ULK4: variants seen among roughly 807,000 people sequenced by gnomAD.
ULK4 encodes unc-51 like kinase 4, also known as inactive serine/threonine-protein kinase ULK4.
A neutral mutation model predicts 160.6 loss-of-function variants in ULK4; 133 were observed. That is an observed-to-expected ratio of 0.83 (90% CI 0.72 to 0.96). The LOEUF (loss-of-function observed/expected upper bound fraction) is 0.96. ULK4 is among the 40% of genes least tolerant of loss of function. ULK4 has a pLI of 0.00. For synonymous variants in ULK4, 534 were observed against 539.8 expected (o/e 0.99, Z 0.15); for missense variants, 1,580 against 1,499.5 (o/e 1.05, Z -0.89).
At chr3:41,938,455 T>C (rs958358467) in intron 2 of ULK4, among the ~76,000 whole-genome samples, 3 of 152,002 alleles carry the variant, frequency 2.0e-5, no homozygotes, top group Admixed American at 2.0e-4. Flanking sequence ...CCGAGGTGGG[T>C]TGGATCACTT....
intron 32 of ULK4, among the ~76,000 whole-genome samples, chr3:41,504,516 T>G (rs971310080): frequency 6.6e-6 from 1 of 152,232 alleles, no homozygotes. Flanking sequence ...GAATTTCATT[T>G]TCCATCAATG....
chr3:41,285,520 G>A (rs1249669704), intron 35 of ULK4, among the ~76,000 whole-genome samples: 3 of 152,058 alleles, frequency 2.0e-5, no homozygotes, highest in Non-Finnish European at 2.9e-5. Context: ...TATTCTCACC[G>A]ATACATGGGA....
At chr3:41,689,366 C>G (rs912375998) in intron 27 of ULK4, among the ~76,000 whole-genome samples, 4 of 152,134 alleles carry the variant, frequency 2.6e-5, no homozygotes, top group Non-Finnish European at 1.5e-5. Flanking sequence ...TATTGAGAGT[C>G]TGGAGTAATG....
At position 41,954,701 on chromosome 3, in the gene ULK4, T is replaced by C. The variant is rs778149921; in HGVS notation, c.59A>G (p.Lys20Arg). ...IGRGSKTVVYKGRRKGTINFV... is the reference protein window; with the variant it reads ...IGRGSKTVVYRGRRKGTINFV... ...ATTGATTGTTCCCTTCCGTCGCCCT[T>C]TATAGACAACAGTCTTGCTTCCTCT... Residue 20 changes from lysine (K) to arginine (R), a missense_variant, in exon 2 of 37, where the codon AAA becomes AGA. By Grantham distance (26) the Lys-to-Arg change is conservative (BLOSUM62 2). Transcript: ENST00000301831. 24 of 1,613,878 alleles carry C rather than the reference T, an allele frequency of 1.5e-5. No homozygotes were observed. The highest frequency in any genetic ancestry group is 3.3e-4 in the Middle Eastern group (2 of 6,084).
At chr3:41,806,334 C>G (rs1051320666) in intron 19 of ULK4, among the ~76,000 whole-genome samples, 32 of 151,896 alleles carry the variant, frequency 2.1e-4, no homozygotes, top group African/African-American at 7.0e-4. Flanking sequence ...GGTGATATCC[C>G]CTTTATCACT....
At chr3:41,384,943 T>C (rs2081768074) in intron 35 of ULK4, among the ~76,000 whole-genome samples, 1 of 152,082 alleles carries the variant, frequency 6.6e-6, no homozygotes, top group Admixed American at 6.6e-5. Flanking sequence ...TAGTCCCAGC[T>C]ACTCGGAAGG....
At chr3:41,411,580 G>T (rs1431825534) in intron 34 of ULK4, among the ~76,000 whole-genome samples, 1 of 151,722 alleles carries the variant, frequency 6.6e-6, no homozygotes, top group East Asian at 1.9e-4. Flanking sequence ...GGGATTACAG[G>T]TGCCACCATG....
chr3:41,451,862 G>A lies in ULK4; in HGVS notation c.3492+3635C>T, dbSNP rs192339300. 4.4e-4 allele frequency among the ~76,000 whole-genome samples: 67 copies of A among 152,192 alleles called. 1 individual carries two copies. The highest frequency in any genetic ancestry group is 1.4e-3 in the African/African-American group (58 of 41,532). ...AATGTAATATCAAGGAATCAAAAAC[G>A]GAAGGTGTCAGCCTAAATTTAGAGC... is the stretch of plus-strand genomic sequence containing the variant. On this transcript the variant is annotated intron_variant, in intron 34 of 36. Transcript: ENST00000301831.
intron 23 of ULK4, among the ~76,000 whole-genome samples, chr3:41,716,475 G>A (rs950678577): frequency 3.9e-5 from 6 of 151,988 alleles, no homozygotes; most frequent in Admixed American, 2.6e-4. Context: ...TAGCCTTCAG[G>A]TTTGAGGTAA....
intron 32 of ULK4, among the ~76,000 whole-genome samples, chr3:41,546,946 T>C (rs765355818): frequency 2.6e-5 from 4 of 152,164 alleles, no homozygotes; most frequent in Admixed American, 6.5e-5. Flanking sequence ...CCCTCCTTGA[T>C]GTAATTAGTA....
chr3:41,336,613 T>G (rs1229697315), intron 35 of ULK4, among the ~76,000 whole-genome samples: 1 of 152,152 alleles, frequency 6.6e-6, no homozygotes, highest in East Asian at 1.9e-4. Context: ...CATCTGAAGC[T>G]CTTATTTTAC....
In ULK4 at chr3:41,954,628, G is replaced by A; in HGVS notation, c.132C>T (p.Thr44=). The A allele has an allele frequency of 6.2e-7, 1 of 1,612,436 alleles. No individual in the cohort carries two copies. The highest frequency in any genetic ancestry group is 8.5e-7 in the Non-Finnish European group (1 of 1,179,384). Residue 44 remains threonine, a synonymous_variant, in exon 2 of 37, where the codon ACC becomes ACT. Coordinates refer to ENST00000301831, the MANE Select transcript of ULK4 (RefSeq NM_017886.4). ...TGGAAATACACTGACTTACCCAGTTGGTTATTTCAGGCCTTTTGCACTTAT... is the reference window on the plus strand; with the variant it reads ...TGGAAATACACTGACTTACCCAGTTAGTTATTTCAGGCCTTTTGCACTTAT... ...CTDKCKRPEI[T]NWVRLTREIK...
At chr3:41,586,182 A>C (rs2030785437) in intron 31 of ULK4, among the ~76,000 whole-genome samples, 1 of 152,232 alleles carries the variant, frequency 6.6e-6, no homozygotes. Context: ...AGGATCTCAA[A>C]GAGAGAATTG....
At chr3:41,909,529 G>A (rs533869641) in intron 11 of ULK4, among the ~76,000 whole-genome samples, 4 of 148,342 alleles carry the variant, frequency 2.7e-5, no homozygotes, top group Admixed American at 6.9e-5. Context: ...TGGGCAACTC[G>A]GAGAAACTCC....
At chr3:41,669,825 T>C (rs1035598678) in intron 29 of ULK4, among the ~76,000 whole-genome samples, 2 of 152,126 alleles carry the variant, frequency 1.3e-5, no homozygotes, top group African/African-American at 2.4e-5. Flanking sequence ...GTCACAGACA[T>C]AGATAATAAC....
intron 31 of ULK4, among the ~76,000 whole-genome samples, chr3:41,582,738 A>C (rs1211965849): frequency 6.6e-6 from 1 of 152,250 alleles, no homozygotes; most frequent in Non-Finnish European, 1.5e-5. Context: ...ATTTTCTGGA[A>C]GTTTTTAAAG....
In ULK4 at chr3:41,398,093, T is replaced by A. The variant is rs2082100469; in HGVS notation, c.3664A>T (p.Ile1222Phe). ...DPKEQKLLLRILRRMITSNEK... is the reference protein window; with the variant it reads ...DPKEQKLLLRFLRRMITSNEK... Reference sequence around the variant, plus strand: ...TGTGAACTCACCATTCTTCTGAGAATCCTTAACAGAAGCTTCTGCTCCTTT... The same window carrying A: ...TGTGAACTCACCATTCTTCTGAGAAACCTTAACAGAAGCTTCTGCTCCTTT... The change falls in exon 35 of 37, where the codon ATT (isoleucine) becomes TTT (phenylalanine). Residue 1222 changes from isoleucine to phenylalanine, a missense_variant. Ile to Phe is a conservative substitution (Grantham distance 21). Coordinates refer to ENST00000301831, the MANE Select transcript of ULK4 (RefSeq NM_017886.4). The A allele has an allele frequency of 3.7e-6, 6 of 1,612,734 alleles. No homozygotes were observed. In the East Asian group the frequency reaches 1.3e-4, roughly 36 times the overall value.
Position 41,715,258 on chromosome 3 carries a change from A to C in ULK4, c.2613T>G (p.Leu871=). 4 of 1,613,556 alleles carry C rather than the reference A, an allele frequency of 2.5e-6. No homozygotes were observed. Among genetic ancestry groups the C allele is most frequent in the Non-Finnish European group, 3.4e-6 (4 of 1,179,978 alleles). ...TCACAAGAATAGTTCCATAGCTGAAAAGAAACTCTTCTGTCACAACTTGAG... is the reference window on the plus strand; with the variant it reads ...TCACAAGAATAGTTCCATAGCTGAACAGAAACTCTTCTGTCACAACTTGAG... The part of the protein sequence containing the change: ...FRPQVVTEEF[L]FSYGTILSHI... The change falls in exon 25 of 37, where the codon CTT becomes CTG. Residue 871 remains leucine (L), a synonymous_variant. Transcript: ENST00000301831.
At chr3:41,381,667 G>A (rs889640763) in intron 35 of ULK4, among the ~76,000 whole-genome samples, 13 of 152,084 alleles carry the variant, frequency 8.5e-5, no homozygotes, top group African/African-American at 3.1e-4. Context: ...TCCAAGTCAT[G>A]ATCAGGACTC....
Sources: gnomAD v4.1 joint callset for allele counts (sites outside exome capture counted in the v4.1 genomes callset) on GRCh38, gnomAD v4.1.1 for gene constraint, MANE v1.5 for transcripts, NCBI Gene and HGNC (gene_info 2026-07-23, HGNC 2026-07-21) for gene names.